CBX3: variants seen among roughly 807,000 people sequenced by gnomAD.
The protein encoded by CBX3 is chromobox 3.
CBX3 carries 5 observed loss-of-function variants against 22.6 expected under a neutral mutation model. The observed-to-expected ratio is 0.22, with a 90% CI of 0.12 to 0.47. CBX3 has a LOEUF of 0.47. Ranked by LOEUF, CBX3 falls within the 20% of genes least tolerant of loss-of-function variation. The pLI is 0.99. For missense variants in CBX3, 83 were observed against 208.1 expected, an observed-to-expected ratio of 0.40 and a Z score of 3.70; for synonymous variants, 50 against 66.6, an observed-to-expected ratio of 0.75 and a Z score of 1.21.
chr7:26,211,451 G>A (rs1370405679), intron 4 of CBX3, among the ~76,000 whole-genome samples: 1 of 152,074 alleles, frequency 6.6e-6, no homozygotes, highest in African/African-American at 2.4e-5. Flanking sequence ...TATTCTGAAT[G>A]TTTTCAGAAA....
intron 2 of CBX3, among the ~76,000 whole-genome samples, chr7:26,203,858 G>C (rs914690561): frequency 6.6e-6 from 1 of 152,116 alleles, no homozygotes; most frequent in Non-Finnish European, 1.5e-5. Context: ...GCCATCATTA[G>C]ATTCTGCATT....
At position 26,202,982 on chromosome 7, in the gene CBX3, C is replaced by T; in HGVS notation, c.-17C>T. 1 of 1,603,074 alleles carries T rather than the reference C, an allele frequency of 6.2e-7. No homozygotes were observed. Among genetic ancestry groups the T allele is most frequent in the Non-Finnish European group, 8.5e-7 (1 of 1,170,508 alleles). On this transcript the variant is annotated 5_prime_UTR_variant, in exon 2 of 6. Transcript: ENST00000396386. ...ATGCATTTTTCTAGTAATAGCTCTT[C>T]AAGTCTGCAATAAAAAATGGCCTCC...
chr7:26,209,216 C>T (rs1420201846), intron 4 of CBX3, among the ~76,000 whole-genome samples: 1 of 152,042 alleles, frequency 6.6e-6, no homozygotes, highest in Non-Finnish European at 1.5e-5. Flanking sequence ...CCACCTTTGA[C>T]GACTTGCTTT....
At position 26,208,385 on chromosome 7, in the gene CBX3, A is replaced by G. The variant is rs781643434; in HGVS notation, c.168-8A>G. 2 of 1,348,212 alleles carry G rather than the reference A, an allele frequency of 1.5e-6. No individual in the cohort carries two copies. The highest frequency in any genetic ancestry group is 4.8e-5 in the Admixed American group (2 of 41,592). The allele number at this position is 1,348,212 out of a possible 1,614,324, so 83.5% of individuals were successfully genotyped here. A position where few individuals can be genotyped will look rare whatever the true frequency, so the allele number is the denominator to read the frequency against. Reference sequence around the variant, plus strand: ...TCACCTTTTTTTTTTTTAATAAACTAAACACAGTGCTGACAATACTTGGGA... The same window carrying G: ...TCACCTTTTTTTTTTTTAATAAACTGAACACAGTGCTGACAATACTTGGGA... On this transcript the variant is annotated splice_region_variant and splice_polypyrimidine_tract_variant and intron_variant, in intron 3 of 5. Transcript: ENST00000396386.
rs769942392 is a variant in CBX3, at chr7:26,206,445, A to G, written c.102A>G (p.Lys34=). ...AGCCTGAAGAATTTGTCGTGGAAAA[A>G]GTACTAGATCGACGTGTAGTGAATG... ...EAEPEEFVVE[K]VLDRRVVNGK... The change falls in exon 3 of 6, where the codon AAA becomes AAG. Residue 34 remains lysine (K), a synonymous_variant. Coordinates refer to ENST00000396386, the MANE Select transcript of CBX3 (RefSeq NM_016587.4). 6.2e-7 allele frequency: 1 copy of G among 1,613,986 alleles called. No individual in the cohort carries two copies. Among genetic ancestry groups the G allele is most frequent in the South Asian group, 1.1e-5 (1 of 91,082 alleles).
rs549744099 is a variant in CBX3, at chr7:26,206,814, C to A, written c.167+304C>A. 2.0e-5 allele frequency among the ~76,000 whole-genome samples: 3 copies of A among 152,218 alleles called. No homozygotes were observed. In the East Asian group the frequency reaches 5.8e-4, roughly 29 times the overall value. ...TAGATATTACACTAATTAGAATAAT[C>A]TGCATTATTTTCCTCCACACAGAGG... On this transcript the variant is annotated intron_variant, in intron 3 of 5. Coordinates refer to ENST00000396386, the MANE Select transcript of CBX3 (RefSeq NM_016587.4).
At chr7:26,208,333 A>G in intron 3 of CBX3, 60 bp from the exon 4 acceptor site, 1 of 1,346,434 alleles carries the variant, frequency 7.4e-7, no homozygotes, top group Non-Finnish European at 1.0e-6. Context: ...AGATCTGGAT[A>G]ATGGTGATGA....
intron 2 of CBX3, 106 bp downstream of exon 2, chr7:26,203,128 C>A: frequency 1.5e-6 from 1 of 659,498 alleles, no homozygotes. Context: ...CCACATATTT[C>A]CCAGCTCTCC....
chr7:26,201,614 C>T (rs558437773), upstream of CBX3: 12 of 149,476 alleles, frequency 8.0e-5, no homozygotes, highest in East Asian at 1.6e-3. Flanking sequence ...CCCCAATTCC[C>T]AGCGGGCGCG....
chr7:26,212,458 T>G lies in CBX3; in HGVS notation c.*250T>G. The G allele has an allele frequency of 5.8e-6, 1 of 173,752 alleles. No individual in the cohort carries two copies. Among genetic ancestry groups the G allele is most frequent in the Non-Finnish European group, 1.2e-5 (1 of 81,282 alleles). The allele number at this position is 173,752 out of a possible 1,614,324, so 10.8% of individuals were successfully genotyped here. A position where few individuals can be genotyped will look rare whatever the true frequency, so the allele number is the denominator to read the frequency against. ...GAAAAGAACATTTGATACCATGGTA[T>G]ATCATTTCCTCTTCATTAAAGAACA... is the stretch of plus-strand genomic sequence containing the variant. On this transcript the variant is annotated 3_prime_UTR_variant, in exon 6 of 6. Transcript: ENST00000396386.
chr7:26,203,312 C>T (rs548110391), intron 2 of CBX3, among the ~76,000 whole-genome samples: 2 of 152,182 alleles, frequency 1.3e-5, no homozygotes, highest in Non-Finnish European at 2.9e-5. Flanking sequence ...ATTTTTGCAG[C>T]GTTGAAAAAT....
chr7:26,211,962 C>T, intron 5 of CBX3, 120 bp from the exon 6 acceptor site: 1 of 957,036 alleles, frequency 1.0e-6, no homozygotes, highest in South Asian at 2.1e-5. Context: ...CAACAAGTAA[C>T]ATAACTCTCC....
intron 3 of CBX3, among the ~76,000 whole-genome samples, chr7:26,207,708 G>A (rs1022499753): frequency 4.0e-5 from 6 of 151,850 alleles, no homozygotes; most frequent in South Asian, 2.1e-4. Context: ...AGCAGAGACC[G>A]GGTTTCACCA....
chr7:26,206,872 C>T (rs1355677506), intron 3 of CBX3, among the ~76,000 whole-genome samples: 2 of 152,168 alleles, frequency 1.3e-5, no homozygotes, highest in East Asian at 1.9e-4. Flanking sequence ...ACAATATAGA[C>T]TAGTGGGTCT....
intron 2 of CBX3, among the ~76,000 whole-genome samples, chr7:26,205,034 C>T (rs987276944): frequency 2.0e-5 from 3 of 152,180 alleles, no homozygotes; most frequent in Non-Finnish European, 2.9e-5. Flanking sequence ...GATGATCTGC[C>T]CACCTCGGCC....
chr7:26,204,802 T>A (rs1784637615), intron 2 of CBX3, among the ~76,000 whole-genome samples: 1 of 152,168 alleles, frequency 6.6e-6, no homozygotes, highest in African/African-American at 2.4e-5. Context: ...TTTTTGTGTT[T>A]TTTTGAGACA....
At chr7:26,211,201 A>G (rs888715781) in intron 4 of CBX3, among the ~76,000 whole-genome samples, 2 of 152,196 alleles carry the variant, frequency 1.3e-5, no homozygotes, top group Admixed American at 1.3e-4. Context: ...AACATTTACT[A>G]TCATTTAGAA....
chr7:26,202,398 C>G (rs899677328), intron 1 of CBX3: 1 of 152,434 alleles, frequency 6.6e-6, no homozygotes, highest in Non-Finnish European at 1.5e-5. Flanking sequence ...GGCACCCGCG[C>G]TTAGGCCTCT....
chr7:26,203,807 G>A (rs556005661), intron 2 of CBX3, among the ~76,000 whole-genome samples: 2 of 152,224 alleles, frequency 1.3e-5, no homozygotes, highest in Middle Eastern at 3.4e-3. Context: ...CTCTCTCTGG[G>A]TTTCACACTA....
Sources: gnomAD v4.1 joint callset for allele counts (sites outside exome capture counted in the v4.1 genomes callset) on GRCh38, gnomAD v4.1.1 for gene constraint, MANE v1.5 for transcripts, NCBI Gene and HGNC (gene_info 2026-07-23, HGNC 2026-07-21) for gene names.